Variants in CAMK2B observed in about 807,000 individuals in gnomAD.
CAMK2B encodes calcium/calmodulin-dependent protein kinase type II subunit beta.
CAMK2B carries 27 observed loss-of-function variants against 93.7 expected under a neutral mutation model. The observed-to-expected ratio is 0.29, with a 90% CI of 0.21 to 0.40. The LOEUF (loss-of-function observed/expected upper bound fraction) is 0.40. Ranked by LOEUF, CAMK2B falls within the 10% of genes least tolerant of loss-of-function variation. The probability of loss-of-function intolerance (pLI) is 1.00; values close to 1 mark genes in which losing one functional copy is unlikely to be tolerated. For missense variants in CAMK2B, 568 were observed against 895.8 expected (o/e 0.63, Z 4.67); for synonymous variants, 374 against 358.8 (o/e 1.04, Z -0.48).
At chr7:44,283,380 C>T (rs1214065902) in intron 2 of CAMK2B, among the ~76,000 whole-genome samples, 1 of 152,272 alleles carries the variant, frequency 6.6e-6, no homozygotes, top group Non-Finnish European at 1.5e-5. Flanking sequence ...AGCCTGTCTG[C>T]TCCATCACTG....
chr7:44,259,912 C>T (rs962338640), intron 3 of CAMK2B, among the ~76,000 whole-genome samples: 5 of 152,142 alleles, frequency 3.3e-5, no homozygotes, highest in African/African-American at 9.7e-5. Flanking sequence ...CCAACCACCC[C>T]GAGAAGTTAC....
intron 5 of CAMK2B, 53 bp downstream of exon 5, chr7:44,254,489 T>C: frequency 7.7e-7 from 1 of 1,300,710 alleles, no homozygotes. Context: ...GAAGGAGGGA[T>C]GGTGAGGGTA....
intron 1 of CAMK2B, among the ~76,000 whole-genome samples, chr7:44,322,868 C>G (rs1343944269): frequency 6.6e-6 from 1 of 152,256 alleles, no homozygotes; most frequent in Non-Finnish European, 1.5e-5. Context: ...TCAGCGCCAC[C>G]TGACTGGGTG....
chr7:44,261,241 A>G (rs1178147798), intron 3 of CAMK2B, among the ~76,000 whole-genome samples: 2 of 152,076 alleles, frequency 1.3e-5, no homozygotes, highest in Non-Finnish European at 2.9e-5. Flanking sequence ...GGGCTGCCCA[A>G]TAAGCCCAGT....
intron 1 of CAMK2B, among the ~76,000 whole-genome samples, chr7:44,320,447 C>T (rs1319811295): frequency 1.3e-5 from 2 of 152,144 alleles, no homozygotes; most frequent in East Asian, 1.9e-4. Flanking sequence ...CCTGTGTGAC[C>T]TTTCCTGGGG....
chr7:44,252,657 G>T (rs2096791234), intron 5 of CAMK2B, among the ~76,000 whole-genome samples: 1 of 152,076 alleles, frequency 6.6e-6, no homozygotes, highest in Non-Finnish European at 1.5e-5. Flanking sequence ...CCCAGCATCT[G>T]TCCACCCCTC....
In CAMK2B at chr7:44,285,912, T is replaced by G. The variant is rs59747491; in HGVS notation, c.66-1687A>C. On this transcript the variant is annotated intron_variant, in intron 1 of 23. Coordinates refer to ENST00000395749, the MANE Select transcript of CAMK2B (RefSeq NM_001220.5). The stretch of plus-strand genomic sequence containing the variant: ...GGGGGCACGGTGAGGTGTTCACTGT[T>G]CACTCCGCATTCTCTTGCTCTGCTT... Among the ~76,000 whole-genome samples the G allele has an allele frequency of 1.5e-3, 225 of 151,422 alleles. 2 individuals carry two copies. The East Asian group carries it at 0.038, about 26-fold the overall frequency.
intron 12 of CAMK2B, 24 bp from the exon 13 acceptor site, chr7:44,239,687 A>G (rs1411940032): frequency 4.9e-6 from 4 of 820,122 alleles, no homozygotes; most frequent in Admixed American, 2.5e-5. Context: ...GTTAGAGACG[A>G]GGGGAAGGGA....
intron 4 of CAMK2B, among the ~76,000 whole-genome samples, chr7:44,258,258 CAT>C (rs1035954916): frequency 1.3e-5 from 2 of 149,698 alleles, no homozygotes; most frequent in African/African-American, 5.1e-5. Context: ...CATGCACACA[CAT>C]GCAAACGTGC....
At chr7:44,251,551 T>C (rs1383895462) in intron 5 of CAMK2B, among the ~76,000 whole-genome samples, 3 of 152,122 alleles carry the variant, frequency 2.0e-5, no homozygotes, top group Non-Finnish European at 4.4e-5. Context: ...TCCTTCCCTC[T>C]CCATGTCCCC....
At position 44,248,286 on chromosome 7, in the gene CAMK2B, G is replaced by C. The variant is rs909425168; in HGVS notation, c.342-1094C>G. On this transcript the variant is annotated intron_variant, in intron 5 of 23. Coordinates refer to ENST00000395749, the MANE Select transcript of CAMK2B (RefSeq NM_001220.5). This position sits in a 1 kb window ranked among gnomAD's most constrained non-coding sequence, Gnocchi z 4.1. Reference sequence around the variant, plus strand: ...TGACTGGCTGGGAGGAGAGGTCCAAGCTGCTCTCAGGCCACCTCCCTGACA... The same window carrying C: ...TGACTGGCTGGGAGGAGAGGTCCAACCTGCTCTCAGGCCACCTCCCTGACA... Among the ~76,000 whole-genome samples the C allele has an allele frequency of 6.6e-6, 1 of 152,148 alleles. No individual in the cohort carries two copies. The highest frequency in any genetic ancestry group is 2.4e-5 in the African/African-American group (1 of 41,434).
intron 23 of CAMK2B, chr7:44,219,727 G>A (rs928166871): frequency 1.0e-4 from 39 of 377,892 alleles, no homozygotes; most frequent in African/African-American, 6.8e-4. Context: ...CCTGGGGAAC[G>A]CCCATCTGGG....
At chr7:44,274,298 G>A (rs1224089743) in intron 2 of CAMK2B, among the ~76,000 whole-genome samples, 1 of 152,190 alleles carries the variant, frequency 6.6e-6, no homozygotes, top group East Asian at 1.9e-4. Flanking sequence ...CCTGGGGACA[G>A]AGGACCGTGG....
At chr7:44,272,371 C>T (rs1256671464) in intron 2 of CAMK2B, among the ~76,000 whole-genome samples, 1 of 152,184 alleles carries the variant, frequency 6.6e-6, no homozygotes, top group Non-Finnish European at 1.5e-5. Flanking sequence ...CACCCAGCAC[C>T]TCTTGGGGTC....
At chr7:44,264,148 C>A (rs1438622329) in intron 2 of CAMK2B, 1 of 152,540 alleles carries the variant, frequency 6.6e-6, no homozygotes, top group Non-Finnish European at 1.5e-5. Flanking sequence ...AATTAATACA[C>A]AAGACAAGAC....
At chr7:44,289,893 C>T (rs1786274171) in intron 1 of CAMK2B, among the ~76,000 whole-genome samples, 1 of 152,250 alleles carries the variant, frequency 6.6e-6, no homozygotes, top group African/African-American at 2.4e-5. Flanking sequence ...ATTTCAGAGG[C>T]AGCAGCTTCT....
chr7:44,291,080 T>C (rs1312030645), intron 1 of CAMK2B, among the ~76,000 whole-genome samples: 3 of 152,182 alleles, frequency 2.0e-5, no homozygotes, highest in Non-Finnish European at 4.4e-5. Context: ...CCTCTCACTA[T>C]GTCCCCCGCG....
chr7:44,243,573 G>A, intron 6 of CAMK2B, 46 bp from the exon 7 acceptor site: 3 of 1,514,222 alleles, frequency 2.0e-6, no homozygotes, highest in Non-Finnish European at 2.7e-6. Context: ...TTTAAACCCA[G>A]AGGTGTTATG....
At chr7:44,257,963 C>T (rs1196272072) in intron 4 of CAMK2B, among the ~76,000 whole-genome samples, 1 of 152,270 alleles carries the variant, frequency 6.6e-6, no homozygotes, top group East Asian at 1.9e-4. Context: ...AGCACCAAGG[C>T]TGGGCTTCTC....
Sources: allele counts gnomAD v4.1 joint callset (sites outside exome capture counted in the v4.1 genomes callset), GRCh38; gene constraint gnomAD v4.1.1; non-coding constraint Gnocchi (gnomAD v3.1); transcripts MANE v1.5; gene names NCBI Gene and HGNC (gene_info 2026-07-23, HGNC 2026-07-21).